CTNNA1: variants seen among roughly 807,000 people sequenced by gnomAD.
The protein encoded by CTNNA1 is catenin alpha-1.
A neutral mutation model predicts 98.4 loss-of-function variants in CTNNA1; 37 were observed. That is an observed-to-expected ratio of 0.38 (90% confidence interval 0.29 to 0.49). CTNNA1 has a LOEUF of 0.49. CTNNA1 is among the 20% of genes least tolerant of loss of function. The pLI is 0.95. For synonymous variants in CTNNA1, 404 were observed against 413.2 expected (o/e 0.98, Z 0.27); for missense variants, 761 against 1,147.2 (o/e 0.66, Z 4.86).
chr5:138,790,410 G>T (rs1210534059), intron 3 of CTNNA1, among the ~76,000 whole-genome samples: 1 of 152,186 alleles, frequency 6.6e-6, no homozygotes, highest in African/African-American at 2.4e-5. Context: ...TTATTTGCTT[G>T]TAATGGATGT....
At chr5:138,753,581 G>A (rs1444814273) in intron 1 of CTNNA1, 71 bp downstream of exon 1, 11 of 362,356 alleles carry the variant, frequency 3.0e-5, no homozygotes, top group Non-Finnish European at 4.9e-5. Context: ...GGGCCGGGCC[G>A]TCCCAAGCTG....
chr5:138,793,818 G>T (rs975090800), intron 3 of CTNNA1, among the ~76,000 whole-genome samples: 2 of 152,092 alleles, frequency 1.3e-5, no homozygotes, highest in Non-Finnish European at 2.9e-5. Context: ...ACATGAATAT[G>T]TGTGTTACTT....
intron 1 of CTNNA1, among the ~76,000 whole-genome samples, chr5:138,758,610 C>T (rs767931832): frequency 2.4e-4 from 37 of 151,524 alleles, no homozygotes; most frequent in Middle Eastern, 3.3e-3. Flanking sequence ...CTCTTGACCT[C>T]GTGATCTGCC....
rs548390992 is a variant in CTNNA1, at chr5:138,858,120, T to TA, written c.1063-28084dup. ...TCCCATATGTGTCATTAATTAGAGT[T>TA]AAAAAAAATTTTTTTTTTTTTTTTG... On this transcript the variant is annotated intron_variant, in intron 7 of 17. Coordinates refer to ENST00000302763, the MANE Select transcript of CTNNA1 (RefSeq NM_001903.5). Among the ~76,000 whole-genome samples the TA allele has an allele frequency of 1.8e-3, 212 of 116,430 alleles. 1 individual carries two copies. Among genetic ancestry groups the TA allele is most frequent in the African/African-American group, 6.7e-3 (195 of 29,050 alleles). The allele number at this position is 116,430 out of a possible 152,430, so 76.4% of individuals were successfully genotyped here.
At chr5:138,779,032 C>T (rs77656014) in intron 1 of CTNNA1, among the ~76,000 whole-genome samples, 5,585 of 152,220 alleles carry the variant, frequency 0.037, 271 homozygotes, top group African/African-American at 0.12. Flanking sequence ...GCAACCGCCA[C>T]TACGCCTGGC....
intron 7 of CTNNA1, among the ~76,000 whole-genome samples, chr5:138,855,027 A>G (rs1371478152): frequency 6.6e-6 from 1 of 152,202 alleles, no homozygotes; most frequent in Non-Finnish European, 1.5e-5. Context: ...TGGCTTTTTA[A>G]CTGTCATTTT....
At chr5:138,814,462 G>A (rs1759199844) in intron 5 of CTNNA1, among the ~76,000 whole-genome samples, 1 of 152,112 alleles carries the variant, frequency 6.6e-6, no homozygotes, top group African/African-American at 2.4e-5. Context: ...GGAGCTAATT[G>A]ATCCTGAGAA....
intron 7 of CTNNA1, among the ~76,000 whole-genome samples, chr5:138,882,004 G>A (rs1205000390): frequency 6.6e-6 from 1 of 152,220 alleles, no homozygotes; most frequent in Non-Finnish European, 1.5e-5. Flanking sequence ...AGCAGAGACT[G>A]ATGACTTGCC....
intron 11 of CTNNA1, among the ~76,000 whole-genome samples, chr5:138,919,372 T>G (rs1762447132): frequency 6.6e-6 from 1 of 152,212 alleles, no homozygotes; most frequent in Non-Finnish European, 1.5e-5. Context: ...GTTGGGTATG[T>G]CTCAGGCTTG....
rs571256613 is a variant in CTNNA1, at chr5:138,906,372, TTTC to T, written c.1389+1935_1389+1937del. Among the ~76,000 whole-genome samples, 519 of 152,358 alleles carry T rather than the reference TTTC, an allele frequency of 3.4e-3. 4 individuals are homozygous for T. The highest frequency in any genetic ancestry group is 6.2e-3 in the Non-Finnish European group (422 of 68,030). On this transcript the variant is annotated intron_variant, in intron 10 of 17. Coordinates refer to ENST00000302763, the MANE Select transcript of CTNNA1 (RefSeq NM_001903.5). ...ATGAGACAGATTTGAATTTGGATTCTTTCTTCAAGTTTGTTTGCCATTTACCCT... is the reference window on the plus strand; with the variant it reads ...ATGAGACAGATTTGAATTTGGATTCTTTCAAGTTTGTTTGCCATTTACCCT...
Position 138,828,076 on chromosome 5 carries a change from G to A in CTNNA1, c.1062+358G>A, listed in dbSNP as rs187964462. On this transcript the variant is annotated intron_variant, in intron 7 of 17. Transcript: ENST00000302763. ...CCCCCGAAGCCTTTGGAAGAAAGTT[G>A]TAGACATTGTGATGCTTCACCTCTA... is the stretch of plus-strand genomic sequence containing the variant. 11 of 212,584 alleles carry A rather than the reference G, an allele frequency of 5.2e-5. No individual in the cohort carries two copies. In the East Asian group the frequency reaches 1.2e-3, roughly 23 times the overall value. 13.2% of individuals were successfully genotyped at this position (212,584 alleles called of 1,614,324 possible). A position where few individuals can be genotyped will look rare whatever the true frequency, so the allele number is the denominator to read the frequency against.
intron 1 of CTNNA1, among the ~76,000 whole-genome samples, chr5:138,768,073 C>T (rs1381976334): frequency 6.6e-6 from 1 of 152,170 alleles, no homozygotes; most frequent in Non-Finnish European, 1.5e-5. Context: ...TAGTGATACC[C>T]TTTATGGTTT....
intron 13 of CTNNA1, among the ~76,000 whole-genome samples, chr5:138,928,369 C>T (rs2016720): frequency 0.34 from 51,659 of 152,078 alleles, 9,516 homozygotes; most frequent in African/African-American, 0.49. Flanking sequence ...ACTCAGCCCT[C>T]ACCTGCCATA....
chr5:138,929,347 G>C lies in CTNNA1; in HGVS notation c.2001G>C (p.Gln667His). The C allele has an allele frequency of 1.3e-6, 2 of 1,575,556 alleles. No homozygotes were observed. The highest frequency in any genetic ancestry group is 1.7e-6 in the Non-Finnish European group (2 of 1,144,814). Residue 667 changes from glutamine to histidine, a missense_variant, in exon 14 of 18, where the codon CAG (glutamine) becomes CAC (histidine). Physicochemically the swap from Gln to His is conservative, Grantham distance 24. Transcript: ENST00000302763. Reference protein sequence around the residue: ...QTEDDQLIAGQSARAIMAQLP... With the variant: ...QTEDDQLIAGHSARAIMAQLP... ...AAGACGATCAGCTGATAGCTGGCCA[G>C]AGTGCCCGGGTAAGGAAGCGCTCCG...
At chr5:138,877,393 C>T (rs1018592526) in intron 7 of CTNNA1, among the ~76,000 whole-genome samples, 1 of 152,060 alleles carries the variant, frequency 6.6e-6, no homozygotes, top group African/African-American at 2.4e-5. Flanking sequence ...GAACTTGCCC[C>T]CAAAAGTTCT....
intron 7 of CTNNA1, 163 bp downstream of exon 7, chr5:138,827,881 T>A: frequency 2.5e-6 from 2 of 786,060 alleles, no homozygotes; most frequent in Non-Finnish European, 4.0e-6. Flanking sequence ...AATGGCTAAG[T>A]GGCTCTTTCC....
intron 7 of CTNNA1, among the ~76,000 whole-genome samples, chr5:138,854,435 T>C (rs1763536340): frequency 6.6e-6 from 1 of 152,176 alleles, no homozygotes. Context: ...TCCCCCCAAC[T>C]GAACACATGT....
intron 3 of CTNNA1, among the ~76,000 whole-genome samples, chr5:138,803,015 TG>T (rs1240235667): frequency 1.3e-5 from 2 of 152,056 alleles, no homozygotes; most frequent in Non-Finnish European, 2.9e-5. Context: ...TTGCCCAAAC[TG>T]GTCTCAAACT....
intron 9 of CTNNA1, among the ~76,000 whole-genome samples, chr5:138,898,439 T>C (rs996896040): frequency 3.7e-4 from 56 of 152,272 alleles, no homozygotes; most frequent in African/African-American, 1.3e-3. Context: ...GTACCTTTGC[T>C]AGCTTTACTT....
Sources: allele counts gnomAD v4.1 joint callset (sites outside exome capture counted in the v4.1 genomes callset), GRCh38; gene constraint gnomAD v4.1.1; transcripts MANE v1.5; gene names NCBI Gene and HGNC (gene_info 2026-07-23, HGNC 2026-07-21).